KCNIP1: variants seen among roughly 807,000 people sequenced by gnomAD.
The protein encoded by KCNIP1 is A-type potassium channel modulatory protein KCNIP1.
A neutral mutation model predicts 33.0 loss-of-function variants in KCNIP1; 18 were observed. The observed-to-expected ratio is 0.55, with a 90% CI of 0.38 to 0.81. The LOEUF is 0.81. KCNIP1 is among the 30% of genes least tolerant of loss of function. The pLI is 0.00. For synonymous variants in KCNIP1, 93 were observed against 98.3 expected (o/e 0.95, Z 0.32); for missense variants, 238 against 271.6 (o/e 0.88, Z 0.87).
At chr5:170,434,129 A>C (rs1190504462) in intron 1 of KCNIP1, among the ~76,000 whole-genome samples, 7 of 152,194 alleles carry the variant, frequency 4.6e-5, no homozygotes, top group Non-Finnish European at 1.0e-4. Context: ...ATCGGGCCCC[A>C]AACTATCTGT....
At chr5:170,673,552 GTAT>G (rs1762004598) in intron 1 of KCNIP1, among the ~76,000 whole-genome samples, 1 of 152,242 alleles carries the variant, frequency 6.6e-6, no homozygotes, top group South Asian at 2.1e-4. Context: ...CTGGGACCTA[GTAT>G]CTGTTCTAGC....
At chr5:170,458,546 G>A (rs558916717) in intron 1 of KCNIP1, among the ~76,000 whole-genome samples, 2 of 152,306 alleles carry the variant, frequency 1.3e-5, no homozygotes, top group African/African-American at 4.8e-5. Flanking sequence ...CCTATCTTCA[G>A]CCTCCTTAAA....
chr5:170,451,761 G>GTA (rs1756258978), intron 1 of KCNIP1, among the ~76,000 whole-genome samples: 1 of 149,160 alleles, frequency 6.7e-6, no homozygotes, highest in Admixed American at 6.7e-5. Context: ...GTGTGTGTGT[G>GTA]TGTGTGTGTT....
intron 1 of KCNIP1, among the ~76,000 whole-genome samples, chr5:170,436,279 G>C (rs1755861796): frequency 1.3e-5 from 2 of 152,234 alleles, no homozygotes; most frequent in African/African-American, 4.8e-5. Flanking sequence ...TTGCAGGAGA[G>C]ACTGTAGACG....
intron 1 of KCNIP1, among the ~76,000 whole-genome samples, chr5:170,536,680 G>A (rs1157507528): frequency 1.3e-5 from 2 of 152,108 alleles, no homozygotes; most frequent in Non-Finnish European, 2.9e-5. Flanking sequence ...AAGGAAAGCG[G>A]AGCTACCCTG....
chr5:170,597,458 G>A (rs919528157), intron 1 of KCNIP1, among the ~76,000 whole-genome samples: 1 of 151,988 alleles, frequency 6.6e-6, no homozygotes. Flanking sequence ...CTCCCTCCAT[G>A]CCAGCCAACC....
chr5:170,468,484 A>G (rs966246666), intron 1 of KCNIP1, among the ~76,000 whole-genome samples: 5 of 152,206 alleles, frequency 3.3e-5, no homozygotes, highest in Admixed American at 6.5e-5. Context: ...ACTTTAATAA[A>G]TTGAATGTTA....
intron 1 of KCNIP1, chr5:170,383,574 C>T: frequency 7.9e-7 from 1 of 1,269,884 alleles, no homozygotes. Context: ...GAGACCTGGT[C>T]AAGTGGGTTG....
chr5:170,370,051 T>A (rs1024690561), intron 1 of KCNIP1, among the ~76,000 whole-genome samples: 1 of 152,194 alleles, frequency 6.6e-6, no homozygotes, highest in South Asian at 2.1e-4. Context: ...AGTCTGTTTG[T>A]GGCCAAAATT....
intron 1 of KCNIP1, among the ~76,000 whole-genome samples, chr5:170,598,055 T>A (rs1758528885): frequency 1.3e-5 from 2 of 152,126 alleles, no homozygotes; most frequent in Admixed American, 6.6e-5. Flanking sequence ...GTGACTTGTT[T>A]AGAACTACTT....
At chr5:170,611,201 A>T (rs1229259313) in intron 1 of KCNIP1, among the ~76,000 whole-genome samples, 1 of 152,198 alleles carries the variant, frequency 6.6e-6, no homozygotes, top group African/African-American at 2.4e-5. Context: ...AAGCAGGTGC[A>T]TCAGTTTTTA....
At chr5:170,710,994 GGT>G (rs1763425150) in intron 1 of KCNIP1, among the ~76,000 whole-genome samples, 1 of 152,158 alleles carries the variant, frequency 6.6e-6, no homozygotes, top group Admixed American at 6.5e-5. Flanking sequence ...CCTTCCCAAA[GGT>G]GTGTTATATA....
chr5:170,565,152 G>A (rs946202630), intron 1 of KCNIP1, among the ~76,000 whole-genome samples: 6 of 151,896 alleles, frequency 4.0e-5, no homozygotes, highest in African/African-American at 2.4e-5. Context: ...TTCAGGACAC[G>A]TTCTGCTCCC....
intron 1 of KCNIP1, among the ~76,000 whole-genome samples, chr5:170,431,908 G>A (rs573156766): frequency 1.3e-5 from 2 of 152,300 alleles, no homozygotes; most frequent in African/African-American, 4.8e-5. Flanking sequence ...CTGTCCCCCA[G>A]GACATTCCAC....
intron 1 of KCNIP1, among the ~76,000 whole-genome samples, chr5:170,467,339 G>C (rs769205393): frequency 2.6e-5 from 4 of 152,114 alleles, no homozygotes; most frequent in South Asian, 2.1e-4. Flanking sequence ...ATCTATATGA[G>C]AGAAAAGAAT....
At chr5:170,644,499 C>T (rs1044123687) in intron 1 of KCNIP1, among the ~76,000 whole-genome samples, 2 of 152,206 alleles carry the variant, frequency 1.3e-5, no homozygotes, top group Admixed American at 6.5e-5. Context: ...TGAGCACCTG[C>T]ATCTCACTCC....
chr5:170,573,120 GAC>G (rs1303525547), intron 1 of KCNIP1, among the ~76,000 whole-genome samples: 1 of 152,210 alleles, frequency 6.6e-6, no homozygotes, highest in East Asian at 1.9e-4. Flanking sequence ...CCCTGACACA[GAC>G]ACACACAGTC....
intron 1 of KCNIP1, among the ~76,000 whole-genome samples, chr5:170,559,783 G>C (rs1250649364): frequency 6.6e-6 from 1 of 152,182 alleles, no homozygotes; most frequent in Non-Finnish European, 1.5e-5. Context: ...AACCTGATGT[G>C]TCAGGGGTCT....
intron 1 of KCNIP1, among the ~76,000 whole-genome samples, chr5:170,608,511 C>T (rs1759020464): frequency 6.6e-6 from 1 of 152,202 alleles, no homozygotes; most frequent in Non-Finnish European, 1.5e-5. Context: ...GTGGCTCACG[C>T]CAGTAATCCC....
Sources: allele counts gnomAD v4.1 joint callset (sites outside exome capture counted in the v4.1 genomes callset), GRCh38; gene constraint gnomAD v4.1.1; transcripts MANE v1.5; gene names NCBI Gene and HGNC (gene_info 2026-07-23, HGNC 2026-07-21).